JPT2: variants seen among roughly 807,000 people sequenced by gnomAD.
JPT2 encodes Jupiter microtubule associated homolog 2, also known as CRAMP_1 like.
JPT2 carries 9 observed loss-of-function variants against 15.9 expected under a neutral mutation model. The ratio of observed to expected loss-of-function variants is 0.57; its 90% CI spans 0.34 to 0.99. The LOEUF is 0.99. Among genes scored for constraint, JPT2 ranks in the 50% least tolerant of loss-of-function variants. JPT2 has a pLI of 0.02. For missense variants in JPT2, 267 were observed against 252.1 expected, an observed-to-expected ratio of 1.06 and a Z score of -0.40; for synonymous variants, 95 against 91.7, an observed-to-expected ratio of 1.04 and a Z score of -0.21.
chr16:1,700,832 G>C lies in JPT2; in HGVS notation c.*1834G>C, dbSNP rs575657079. 7 of 152,374 alleles carry C rather than the reference G, an allele frequency of 4.6e-5. No homozygotes were observed. In the East Asian group the frequency reaches 1.4e-3, roughly 29 times the overall value. The allele number at this position is 152,374 out of a possible 1,614,324, so 9.4% of individuals were successfully genotyped here. A position where few individuals can be genotyped will look rare whatever the true frequency, so the allele number is the denominator to read the frequency against. On this transcript the variant is annotated 3_prime_UTR_variant, in exon 5 of 5. Transcript: ENST00000248098. ...GAAGAAATAGGACGTGACGGTACTG[G>C]GCCCTGTGATTCTCCCAGCCCTTGC...
At chr16:1,697,088 T>C (rs1360260863) in intron 3 of JPT2, among the ~76,000 whole-genome samples, 4 of 152,242 alleles carry the variant, frequency 2.6e-5, no homozygotes, top group African/African-American at 9.6e-5. Flanking sequence ...AAACAACATG[T>C]GGTCTGTCCA....
intron 3 of JPT2, among the ~76,000 whole-genome samples, chr16:1,697,405 C>T (rs1029140467): frequency 6.6e-6 from 1 of 151,490 alleles, no homozygotes; most frequent in African/African-American, 2.4e-5. Context: ...CCCCACTACT[C>T]GGGAGGCTGA....
chr16:1,693,423 G>A (rs1441662897), intron 3 of JPT2, among the ~76,000 whole-genome samples: 1 of 152,172 alleles, frequency 6.6e-6, no homozygotes, highest in Non-Finnish European at 1.5e-5. Context: ...TTTCAAGAGA[G>A]CATCTATTTG....
At position 1,693,561 on chromosome 16, in the gene JPT2, C is replaced by T. The variant is rs183062435; in HGVS notation, c.336+1576C>T. ...GGACACGAGAGCAAGGTGCTTCCTG[C>T]TGAGACTCACACTTTCCAGTGAACG... is the stretch of plus-strand genomic sequence containing the variant. On this transcript the variant is annotated intron_variant, in intron 3 of 4. Transcript: ENST00000248098. Among the ~76,000 whole-genome samples, 20 of 152,284 alleles carry T rather than the reference C, an allele frequency of 1.3e-4. No individual in the cohort carries two copies. In the East Asian group the frequency reaches 3.9e-3, roughly 29 times the overall value.
In JPT2 at chr16:1,685,555, C is replaced by T; in HGVS notation, c.161C>T (p.Pro54Leu). The T allele has an allele frequency of 1.2e-6, 2 of 1,614,158 alleles. No individual in the cohort carries two copies. Among genetic ancestry groups the T allele is most frequent in the Non-Finnish European group, 1.7e-6 (2 of 1,180,028 alleles). Reference protein sequence around the residue: ...ASNIFGPTEEPQNIPKRTNPP... With the variant: ...ASNIFGPTEELQNIPKRTNPP... The stretch of plus-strand genomic sequence containing the variant: ...AATATTTTTGGACCAACAGAAGAAC[C>T]TCAGAACATACCCAAGAGGACAAAT... The change falls in exon 2 of 5, where the codon CCT becomes CTT. Residue 54 changes from proline to leucine, a missense_variant. By Grantham distance (98) the Pro-to-Leu change is moderately conservative. Coordinates refer to ENST00000248098, the MANE Select transcript of JPT2 (RefSeq NM_144570.3).
rs1596506014 is a variant in JPT2 at position 1,685,654 on chromosome 16, T to G, written c.193+67T>G. 3 of 1,501,334 alleles carry G rather than the reference T, an allele frequency of 2.0e-6. No homozygotes were observed. In the East Asian group the frequency reaches 6.8e-5, roughly 34 times the overall value. 93.0% of individuals were successfully genotyped at this position (1,501,334 alleles called of 1,614,324 possible). ...TTCTCTTTTGAAAATATTTTCTGTT[T>G]CTTTATACTGATCCTTTCCCATATT... On this transcript the variant is annotated intron_variant, in intron 2 of 4. Transcript: ENST00000248098.
At chr16:1,694,225 C>T (rs1209208222) in intron 3 of JPT2, among the ~76,000 whole-genome samples, 1 of 152,158 alleles carries the variant, frequency 6.6e-6, no homozygotes, top group African/African-American at 2.4e-5. Context: ...CCGTTAACAT[C>T]ACAAAATGAG....
chr16:1,698,494 G>T lies in JPT2; in HGVS notation c.386-317G>T, dbSNP rs1255721768. The stretch of plus-strand genomic sequence containing the variant: ...GCCTCATGGTCACTCTCAGGGGCTT[G>T]CTTTCTATACTTGAGATGGAAGAAA... On this transcript the variant is annotated intron_variant, in intron 4 of 4. Transcript: ENST00000248098. The surrounding 1 kb of genome is among the most constrained non-coding windows in gnomAD (Gnocchi z 4.9). Among the ~76,000 whole-genome samples, 1 of 152,196 alleles carries T rather than the reference G, an allele frequency of 6.6e-6. No individual in the cohort carries two copies. Among genetic ancestry groups the T allele is most frequent in the Non-Finnish European group, 1.5e-5 (1 of 68,036 alleles).
At chr16:1,683,615 T>G in intron 1 of JPT2, 1 of 1,520,396 alleles carries the variant, frequency 6.6e-7, no homozygotes, top group Middle Eastern at 1.7e-4. Flanking sequence ...ACGCTTGGTT[T>G]CTGGGGTACA....
At chr16:1,695,209 C>T (rs1402797644) in intron 3 of JPT2, among the ~76,000 whole-genome samples, 1 of 152,036 alleles carries the variant, frequency 6.6e-6, no homozygotes, top group African/African-American at 2.4e-5. Context: ...AGTTCGAGAC[C>T]AGCCTGACCA....
intron 3 of JPT2, among the ~76,000 whole-genome samples, chr16:1,693,673 A>G (rs1364970218): frequency 2.6e-5 from 4 of 152,090 alleles, no homozygotes; most frequent in Non-Finnish European, 4.4e-5. Flanking sequence ...ATTTTCTAAT[A>G]AAGTTCTTTT....
chr16:1,679,838 C>G (rs999679025), intron 1 of JPT2, among the ~76,000 whole-genome samples: 6 of 151,598 alleles, frequency 4.0e-5, no homozygotes, highest in Admixed American at 2.6e-4. Flanking sequence ...AGGTGGACCA[C>G]GAGATCAGGA....
At chr16:1,678,978 G>GA (rs1278972645) in intron 1 of JPT2, among the ~76,000 whole-genome samples, 2 of 152,256 alleles carry the variant, frequency 1.3e-5, no homozygotes, top group African/African-American at 4.8e-5. Context: ...TATCTCCTGG[G>GA]AAGGTGGATG....
Position 1,699,838 on chromosome 16 carries a change from G to A in JPT2, c.*840G>A, listed in dbSNP as rs2037168896. Reference sequence around the variant, plus strand: ...AGTCACAGTTCTTCCCATAAATGAGGCCCGCTGACCTCTGCGGGACTTTAA... The same window carrying A: ...AGTCACAGTTCTTCCCATAAATGAGACCCGCTGACCTCTGCGGGACTTTAA... On this transcript the variant is annotated 3_prime_UTR_variant, in exon 5 of 5. Transcript: ENST00000248098. 2 of 258,120 alleles carry A rather than the reference G, an allele frequency of 7.7e-6. No individual in the cohort carries two copies. The highest frequency in any genetic ancestry group is 8.6e-5 in the South Asian group (2 of 23,274). The allele number at this position is 258,120 out of a possible 1,614,324, so 16.0% of individuals were successfully genotyped here.
At position 1,701,497 on chromosome 16, in the gene JPT2, C is replaced by CTTGTT. The variant is rs781331352; in HGVS notation, c.*2510_*2514dup. The CTTGTT allele has an allele frequency of 6.6e-6, 1 of 152,158 alleles. No individual in the cohort carries two copies. The highest frequency in any genetic ancestry group is 2.4e-5 in the African/African-American group (1 of 41,418). The allele number at this position is 152,158 out of a possible 1,614,324, so 9.4% of individuals were successfully genotyped here. On this transcript the variant is annotated 3_prime_UTR_variant, in exon 5 of 5. Transcript: ENST00000248098. Reference sequence around the variant, plus strand: ...CACAGCTCTTGCTGAAAGAGTTTGCCTTGTTTTGTTTTGTTGTTTTGTATT... The same window carrying CTTGTT: ...CACAGCTCTTGCTGAAAGAGTTTGCCTTGTTTTGTTTTGTTTTGTTGTTTTGTATT...
At chr16:1,684,892 C>A (rs2037053030) in intron 1 of JPT2, among the ~76,000 whole-genome samples, 1 of 142,026 alleles carries the variant, frequency 7.0e-6, no homozygotes, top group African/African-American at 2.7e-5. Context: ...GCCTGGGCGA[C>A]AGAGCGAGAC....
intron 1 of JPT2, among the ~76,000 whole-genome samples, chr16:1,682,738 G>T (rs572847655): frequency 6.6e-6 from 1 of 151,932 alleles, no homozygotes; most frequent in East Asian, 1.9e-4. Context: ...GAAGTCAGAT[G>T]GCCTTATGGC....
chr16:1,688,911 A>G (rs1351664318), intron 2 of JPT2: 1 of 152,246 alleles, frequency 6.6e-6, no homozygotes, highest in Non-Finnish European at 1.5e-5. Flanking sequence ...TATGAAGGTT[A>G]AAAGCAGAGG....
chr16:1,684,364 G>A lies in JPT2; in HGVS notation c.45-1075G>A, dbSNP rs530316450. Among the ~76,000 whole-genome samples, 5 of 152,244 alleles carry A rather than the reference G, an allele frequency of 3.3e-5. No homozygotes were observed. In the East Asian group the frequency reaches 7.7e-4, roughly 24 times the overall value. ...GTTGTTATGAATTCAGCGTTTCACC[G>A]GTTTTTAATGTAGATAGTGCTCTAG... On this transcript the variant is annotated intron_variant, in intron 1 of 4. Transcript: ENST00000248098.
Sources: gnomAD v4.1 joint callset for allele counts (sites outside exome capture counted in the v4.1 genomes callset) on GRCh38, gnomAD v4.1.1 for gene constraint, Gnocchi (gnomAD v3.1) non-coding constraint, MANE v1.5 for transcripts, NCBI Gene and HGNC (gene_info 2026-07-23, HGNC 2026-07-21) for gene names.